The following MORC3 variants were observed in gnomAD, a reference collection of about 807,000 sequenced individuals.
MORC3 encodes MORC family CW-type zinc finger 3, also known as MORC family CW-type zinc finger protein 3.
Under a neutral mutation model 109.1 loss-of-function variants are expected in MORC3, and 31 were observed. The observed-to-expected ratio is 0.28, with a 90% CI of 0.21 to 0.38. MORC3 has a LOEUF of 0.38. Ranked by LOEUF, MORC3 falls within the 10% of genes least tolerant of loss-of-function variation. The probability of loss-of-function intolerance (pLI) is 1.00; values close to 1 mark genes in which losing one functional copy is unlikely to be tolerated. For missense variants in MORC3, 867 were observed against 1,135.8 expected (o/e 0.76, Z 3.40); for synonymous variants, 395 against 380.7 (o/e 1.04, Z -0.44).
intron 9 of MORC3, among the ~76,000 whole-genome samples, chr21:36,350,677 A>G (rs1027804815): frequency 4.6e-5 from 7 of 152,174 alleles, no homozygotes; most frequent in Admixed American, 3.9e-4. Flanking sequence ...AGAAATTACT[A>G]CAGAGCCTCC....
chr21:36,326,111 G>A (rs1036244685), intron 1 of MORC3, among the ~76,000 whole-genome samples: 6 of 152,108 alleles, frequency 3.9e-5, no homozygotes, highest in African/African-American at 1.4e-4. Flanking sequence ...GGAGGCTGAG[G>A]CGGGAGAATC....
At chr21:36,329,390 G>C (rs1195077953) in intron 1 of MORC3, among the ~76,000 whole-genome samples, 3 of 152,162 alleles carry the variant, frequency 2.0e-5, no homozygotes, top group Non-Finnish European at 4.4e-5. Context: ...CTGAGGGTTG[G>C]ACAGGCTTGC....
intron 16 of MORC3, among the ~76,000 whole-genome samples, chr21:36,374,347 TC>T (rs1484756186): frequency 6.6e-6 from 1 of 151,988 alleles, no homozygotes; most frequent in East Asian, 1.9e-4. Context: ...CGCCTCAGCC[TC>T]CCAAAGTGCT....
intron 16 of MORC3, among the ~76,000 whole-genome samples, chr21:36,373,623 CAAAA>C (rs924131996): frequency 1.7e-5 from 2 of 117,514 alleles, no homozygotes; most frequent in African/African-American, 3.2e-5. Flanking sequence ...AACTCCGTCT[CAAAA>C]AAAAAAAAAG....
chr21:36,341,779 T>G (rs1408441335), intron 6 of MORC3, among the ~76,000 whole-genome samples: 2 of 152,206 alleles, frequency 1.3e-5, no homozygotes, highest in Non-Finnish European at 2.9e-5. Flanking sequence ...TTTATTTGTT[T>G]GGAAACCCTT....
chr21:36,355,694 A>T (rs763657364), intron 9 of MORC3, among the ~76,000 whole-genome samples: 2 of 151,990 alleles, frequency 1.3e-5, no homozygotes, highest in Non-Finnish European at 2.9e-5. Flanking sequence ...TCATCCCTGT[A>T]ATCCCAGCAC....
At chr21:36,320,572 C>G (rs539262348) in intron 1 of MORC3, 5 of 324,690 alleles carry the variant, frequency 1.5e-5, no homozygotes, top group Non-Finnish European at 2.8e-5. Context: ...CCCTCCTAGT[C>G]TCCCAGCAGC....
intron 1 of MORC3, chr21:36,320,543 GCGGCTCCT>G (rs2085179350): frequency 5.7e-6 from 2 of 350,140 alleles, no homozygotes; most frequent in African/African-American, 4.3e-5. Flanking sequence ...GGCCAGGGTC[GCGGCTCCT>G]CCTCCCAGCT....
In MORC3 at chr21:36,336,230, T is replaced by TTTTTTG. The variant is rs568665151; in HGVS notation, c.113-619_113-614dup. On this transcript the variant is annotated intron_variant, in intron 2 of 16. Coordinates refer to ENST00000400485, the MANE Select transcript of MORC3 (RefSeq NM_015358.3). ...ACAGGCGTAAGTCACCATGGTCAGC[T>TTTTTTG]TTTTTGTTTTTGTTTTTGTTTTTGT... Among the ~76,000 whole-genome samples, 342 of 137,588 alleles carry TTTTTTG rather than the reference T, an allele frequency of 2.5e-3. 9 individuals are homozygous for TTTTTTG. In the East Asian group the frequency reaches 0.059, roughly 24 times the overall value. 90.3% of individuals were successfully genotyped at this position (137,588 alleles called of 152,430 possible).
At chr21:36,349,969 C>T (rs1160611581) in intron 9 of MORC3, among the ~76,000 whole-genome samples, 1 of 152,140 alleles carries the variant, frequency 6.6e-6, no homozygotes, top group Non-Finnish European at 1.5e-5. Context: ...AGAACTTGGG[C>T]TGGATTTGGA....
intron 1 of MORC3, among the ~76,000 whole-genome samples, chr21:36,328,390 C>T (rs1230985101): frequency 3.5e-5 from 5 of 141,052 alleles, no homozygotes; most frequent in Admixed American, 1.5e-4. Flanking sequence ...CTCCCTCTGT[C>T]GCCCAGGCTG....
intron 6 of MORC3, among the ~76,000 whole-genome samples, chr21:36,344,132 CT>C (rs1481774064): frequency 1.1e-4 from 16 of 148,092 alleles, no homozygotes; most frequent in Admixed American, 6.8e-5. Flanking sequence ...TGTGTTGAAT[CT>C]TTTTTTTTTG....
Position 36,344,627 on chromosome 21 carries a change from C to T in MORC3, c.805C>T (p.Arg269Cys), listed in dbSNP as rs765183098. The T allele has an allele frequency of 1.1e-5, 18 of 1,614,068 alleles. No individual in the cohort carries two copies. The highest frequency in any genetic ancestry group is 1.7e-5 in the Admixed American group (1 of 60,016). ...YLKPRMQIIL[R>C]GQKVKTQLVS... is the part of the protein sequence containing the mutation. ...AAAGCCAAGAATGCAGATCATCCTACGTGGACAGAAAGTGAAGACACAGCT... is the reference window on the plus strand; with the variant it reads ...AAAGCCAAGAATGCAGATCATCCTATGTGGACAGAAAGTGAAGACACAGCT... The change falls in exon 7 of 17, where the codon CGT (arginine) becomes TGT (cysteine). Residue 269 changes from arginine to cysteine, a missense_variant. Physicochemically the swap from Arg to Cys is radical, Grantham distance 180. Coordinates refer to ENST00000400485, the MANE Select transcript of MORC3 (RefSeq NM_015358.3).
chr21:36,322,917 A>G (rs578255231), intron 1 of MORC3, among the ~76,000 whole-genome samples: 137 of 152,090 alleles, frequency 9.0e-4, no homozygotes, highest in African/African-American at 2.9e-3. Context: ...TTGAATTACT[A>G]TATGGTTTGT....
chr21:36,374,688 A>G (rs918919459), intron 16 of MORC3, among the ~76,000 whole-genome samples: 1 of 152,146 alleles, frequency 6.6e-6, no homozygotes, highest in African/African-American at 2.4e-5. Context: ...CCAGCTACTC[A>G]GGAGGCTGAG....
chr21:36,361,796 A>T, intron 12 of MORC3: 2 of 183,198 alleles, frequency 1.1e-5, no homozygotes, highest in Admixed American at 6.2e-5. Flanking sequence ...CTGAGGCAGG[A>T]GAATTGCTTG....
chr21:36,370,888 C>G (rs181483236), intron 15 of MORC3, among the ~76,000 whole-genome samples: 70 of 152,000 alleles, frequency 4.6e-4, no homozygotes, highest in Admixed American at 4.0e-3. Flanking sequence ...AGGCTGATCT[C>G]AAACTCCTGA....
intron 9 of MORC3, among the ~76,000 whole-genome samples, chr21:36,356,045 C>T (rs899748790): frequency 6.6e-6 from 1 of 151,948 alleles, no homozygotes; most frequent in Non-Finnish European, 1.5e-5. Flanking sequence ...ATAAGCATGT[C>T]ATAAGGCACT....
intron 9 of MORC3, among the ~76,000 whole-genome samples, chr21:36,356,293 A>G (rs2085644462): frequency 6.6e-6 from 1 of 152,196 alleles, no homozygotes; most frequent in African/African-American, 2.4e-5. Flanking sequence ...AAATTATAAA[A>G]TAGACTAGTA....
Sources: allele counts gnomAD v4.1 joint callset (sites outside exome capture counted in the v4.1 genomes callset), GRCh38; gene constraint gnomAD v4.1.1; transcripts MANE v1.5; gene names NCBI Gene and HGNC (gene_info 2026-07-23, HGNC 2026-07-21).